SLIT3: variants seen among roughly 807,000 people sequenced by gnomAD.
SLIT3 encodes the protein slit homolog 3 protein.
Under a neutral mutation model 184.0 loss-of-function variants are expected in SLIT3, and 68 were observed. The observed-to-expected ratio is 0.37, with a 90% CI of 0.30 to 0.45. SLIT3 has a LOEUF of 0.45. SLIT3 is among the 20% of genes least tolerant of loss of function. The probability of loss-of-function intolerance (pLI) is 1.00; values close to 1 mark genes in which losing one functional copy is unlikely to be tolerated. For synonymous variants in SLIT3, 831 were observed against 828.6 expected (o/e 1.00, Z -0.05); for missense variants, 1,707 against 2,026.0 (o/e 0.84, Z 3.02).
chr5:169,214,738 C>T lies in SLIT3; in HGVS notation c.342-21188G>A, dbSNP rs143443445. Among the ~76,000 whole-genome samples the T allele has an allele frequency of 3.2e-3, 484 of 152,312 alleles. 1 individual carries two copies. The highest frequency in any genetic ancestry group is 0.011 in the African/African-American group (455 of 41,576). ...ACATCTCCTGTGGGTATCCCAAAGG[C>T]ATGTTCACCATGGACACTGTCATCT... On this transcript the variant is annotated intron_variant, in intron 3 of 35. Transcript: ENST00000519560.
intron 32 of SLIT3, among the ~76,000 whole-genome samples, chr5:168,683,759 C>T (rs993974125): frequency 1.3e-5 from 2 of 152,212 alleles, no homozygotes; most frequent in African/African-American, 4.8e-5. Flanking sequence ...TGCGGGCCTG[C>T]CTTCCTCTGC....
At chr5:169,017,216 C>T (rs907038057) in intron 4 of SLIT3, among the ~76,000 whole-genome samples, 1 of 152,144 alleles carries the variant, frequency 6.6e-6, no homozygotes, top group Non-Finnish European at 1.5e-5. Context: ...TTAAGTTAGA[C>T]ATCTATGGCC....
intron 10 of SLIT3, chr5:168,791,831 T>G (rs1756382905): frequency 1.3e-5 from 2 of 152,220 alleles, no homozygotes; most frequent in African/African-American, 4.8e-5. Context: ...TCTCTTGAAC[T>G]TACTTCTCCT....
intron 4 of SLIT3, among the ~76,000 whole-genome samples, chr5:169,094,552 C>T (rs553468086): frequency 6.6e-6 from 1 of 152,278 alleles, no homozygotes; most frequent in South Asian, 2.1e-4. Context: ...ATAGCTTGAG[C>T]CCAGGAGATG....
chr5:169,054,597 C>A (rs1561634176), intron 4 of SLIT3, among the ~76,000 whole-genome samples: 1 of 152,098 alleles, frequency 6.6e-6, no homozygotes, highest in African/African-American at 2.4e-5. Context: ...TAAGTCCCTC[C>A]CCTTCTTACG....
chr5:168,823,165 T>A (rs1282008928), intron 7 of SLIT3, 95 bp downstream of exon 7: 11 of 978,046 alleles, frequency 1.1e-5, no homozygotes, highest in Non-Finnish European at 1.8e-5. Flanking sequence ...ATCTGCCTAG[T>A]CATAGCATGG....
intron 6 of SLIT3, among the ~76,000 whole-genome samples, chr5:168,836,754 T>G (rs1382904670): frequency 6.6e-6 from 1 of 152,088 alleles, no homozygotes. Context: ...GGTTCGTTGA[T>G]TCAAGATCCT....
At chr5:169,099,354 CTTGTTCATCATCCATTCAA>C (rs999260672) in intron 4 of SLIT3, among the ~76,000 whole-genome samples, 1 of 152,126 alleles carries the variant, frequency 6.6e-6, no homozygotes, top group Non-Finnish European at 1.5e-5. Context: ...GCTTGTGTGA[CTTGTTCATCATCCATTCAA>C]TTGTTCATCA....
intron 9 of SLIT3, among the ~76,000 whole-genome samples, chr5:168,801,897 G>C (rs1756778432): frequency 6.6e-6 from 1 of 152,170 alleles, no homozygotes; most frequent in African/African-American, 2.4e-5. Flanking sequence ...GAGCTGCTTT[G>C]GCTTTGGAAA....
At chr5:169,016,572 T>A (rs1756382951) in intron 4 of SLIT3, among the ~76,000 whole-genome samples, 1 of 152,208 alleles carries the variant, frequency 6.6e-6, no homozygotes, top group African/African-American at 2.4e-5. Flanking sequence ...AAACATATAA[T>A]ACATGTAATT....
chr5:169,168,415 C>A (rs565275029), intron 4 of SLIT3, among the ~76,000 whole-genome samples: 1 of 152,188 alleles, frequency 6.6e-6, no homozygotes, highest in African/African-American at 2.4e-5. Flanking sequence ...TTAAGTTCTC[C>A]CCTGCCTTGA....
chr5:169,000,348 C>T (rs1186963570), intron 4 of SLIT3, among the ~76,000 whole-genome samples: 12 of 129,392 alleles, frequency 9.3e-5, no homozygotes, highest in African/African-American at 3.6e-4. Context: ...GCTGAGATCA[C>T]ACCACTGCAC....
At chr5:169,006,379 C>T (rs1283610761) in intron 4 of SLIT3, among the ~76,000 whole-genome samples, 3 of 151,974 alleles carry the variant, frequency 2.0e-5, no homozygotes, top group Non-Finnish European at 4.4e-5. Flanking sequence ...ATGGCTGGTT[C>T]CTTCATCCCT....
chr5:169,192,423 C>CTGTGTGTG (rs3038088), intron 4 of SLIT3, among the ~76,000 whole-genome samples: 11,398 of 148,192 alleles, frequency 0.077, 507 homozygotes, highest in East Asian at 0.2. Context: ...TATATAGTCT[C>CTGTGTGTG]TGTGTGTGTG....
chr5:169,166,209 A>G (rs1257503012), intron 4 of SLIT3, among the ~76,000 whole-genome samples: 2 of 152,058 alleles, frequency 1.3e-5, no homozygotes, highest in African/African-American at 2.4e-5. Flanking sequence ...CGTCTTTGCC[A>G]TGGAGACCAA....
intron 4 of SLIT3, among the ~76,000 whole-genome samples, chr5:168,961,858 ATG>A (rs35895529): frequency 0.06 from 8,841 of 148,206 alleles, 259 homozygotes; most frequent in Middle Eastern, 0.1. Flanking sequence ...GCATGCACGC[ATG>A]TGTGTGTGTG....
At position 168,774,337 on chromosome 5, in the gene SLIT3, G is replaced by A. The variant is rs151037148; in HGVS notation, c.1193C>T (p.Thr398Met). 27 of 1,613,920 alleles carry A rather than the reference G, an allele frequency of 1.7e-5. No individual in the cohort carries two copies. The highest frequency in any genetic ancestry group is 9.9e-5 in the South Asian group (9 of 91,048). Residue 398 changes from threonine (T) to methionine (M), a missense_variant, in exon 13 of 36, where the codon ACG (threonine) becomes ATG (methionine). By Grantham distance (81) the Thr-to-Met change is moderately conservative. Around this residue, in one of 3 missense-constraint regions of SLIT3, gnomAD observed 1,307 missense variants for 1,511.6 expected, o/e 0.86. Transcript: ENST00000519560. ...GTTGAGGTTCTGCAGGTCCTGAAAC[G>A]TGTTCACCCGCAGGCAGTTGATCTT... Reference protein sequence around the residue: ...ANKINCLRVNTFQDLQNLNLL... With the variant: ...ANKINCLRVNMFQDLQNLNLL...
chr5:168,688,942 C>T (rs1761826653), intron 29 of SLIT3, among the ~76,000 whole-genome samples: 1 of 152,240 alleles, frequency 6.6e-6, no homozygotes, highest in Non-Finnish European at 1.5e-5. Flanking sequence ...TAAGCCTGGA[C>T]TTCAAGGCTA....
chr5:168,693,137 C>T (rs1330406899), intron 28 of SLIT3, among the ~76,000 whole-genome samples: 1 of 152,124 alleles, frequency 6.6e-6, no homozygotes, highest in Non-Finnish European at 1.5e-5. Flanking sequence ...GGGTCCTTTC[C>T]TACCCACAGC....
Sources: allele counts gnomAD v4.1 joint callset (sites outside exome capture counted in the v4.1 genomes callset), GRCh38; gene constraint gnomAD v4.1.1; regional missense constraint gnomAD v4.1.1; transcripts MANE v1.5; gene names NCBI Gene and HGNC (gene_info 2026-07-23, HGNC 2026-07-21).